NAV2: variants seen among roughly 807,000 people sequenced by gnomAD.
The protein encoded by NAV2 is neuron navigator 2.
A neutral mutation model predicts 223.2 loss-of-function variants in NAV2; 54 were observed. The ratio of observed to expected loss-of-function variants is 0.24; its 90% CI spans 0.19 to 0.30. The LOEUF (loss-of-function observed/expected upper bound fraction) is 0.30, where lower values mean the gene tolerates loss of function less well. Ranked by LOEUF, NAV2 falls within the 10% of genes least tolerant of loss-of-function variation. The probability of loss-of-function intolerance (pLI) is 1.00; values close to 1 mark genes in which losing one functional copy is unlikely to be tolerated. For synonymous variants in NAV2, 1,279 were observed against 1,239.3 expected (o/e 1.03, Z -0.67); for missense variants, 2,806 against 3,147.5 (o/e 0.89, Z 2.60).
At chr11:19,817,041 CA>C (rs1293212699) in intron 1 of NAV2, among the ~76,000 whole-genome samples, 1 of 152,128 alleles carries the variant, frequency 6.6e-6, no homozygotes, top group African/African-American at 2.4e-5. Context: ...CCTCATCTCC[CA>C]GGGGAAATCC....
intron 1 of NAV2, among the ~76,000 whole-genome samples, chr11:19,717,744 AT>A (rs1208916328): frequency 1.3e-5 from 2 of 152,184 alleles, no homozygotes; most frequent in African/African-American, 4.8e-5. Flanking sequence ...TAAGGACCTG[AT>A]TCAGATTCAT....
chr11:19,655,705 A>C (rs1358818129), intron 1 of NAV2, among the ~76,000 whole-genome samples: 2 of 134,726 alleles, frequency 1.5e-5, no homozygotes, highest in Admixed American at 1.8e-4. Context: ...GAACACATGG[A>C]TACAGGAAGG....
chr11:19,926,592 ACT>A, intron 6 of NAV2, among the ~76,000 whole-genome samples: 1 of 151,800 alleles, frequency 6.6e-6, no homozygotes, highest in African/African-American at 2.4e-5. Context: ...GACCAGGATG[ACT>A]CTGAAAACAG....
intron 1 of NAV2, among the ~76,000 whole-genome samples, chr11:19,624,242 C>T (rs1014086100): frequency 2.6e-5 from 4 of 152,174 alleles, no homozygotes; most frequent in Non-Finnish European, 5.9e-5. Flanking sequence ...GCAGTCTGTC[C>T]GTTCTCAGAT....
Position 20,103,343 on chromosome 11 carries a change from A to G in NAV2, c.6506A>G (p.Asn2169Ser). The G allele has an allele frequency of 2.5e-6, 4 of 1,614,152 alleles. No individual in the cohort carries two copies. Among genetic ancestry groups the G allele is most frequent in the Non-Finnish European group, 3.4e-6 (4 of 1,180,000 alleles). The change falls in exon 33 of 38, where the codon AAC (asparagine) becomes AGC (serine). Residue 2169 changes from asparagine (N) to serine (S), a missense_variant. By Grantham distance (46) the Asn-to-Ser change is conservative. Coordinates refer to ENST00000349880, the MANE Select transcript of NAV2 (RefSeq NM_145117.5). ...ATGCCCCTCGTCATCATCCTGGACA[A>G]CCTACACCACGTGAGCTCTCTGGGA... ...VDMPLVIILD[N>S]LHHVSSLGEI... is the part of the protein sequence containing the mutation.
chr11:19,424,559 T>A (rs1463707537), intron 1 of NAV2, among the ~76,000 whole-genome samples: 1 of 152,182 alleles, frequency 6.6e-6, no homozygotes, highest in African/African-American at 2.4e-5. Context: ...TTTGTTTGTT[T>A]GTTTGTTTCG....
At chr11:19,760,966 GTTC>G (rs2054690096) in intron 1 of NAV2, among the ~76,000 whole-genome samples, 1 of 152,168 alleles carries the variant, frequency 6.6e-6, no homozygotes, top group African/African-American at 2.4e-5. Flanking sequence ...AGTGCTGGTG[GTTC>G]TTCTGTTTCG....
chr11:19,880,780 A>C (rs879791074), intron 5 of NAV2, among the ~76,000 whole-genome samples: 1 of 152,158 alleles, frequency 6.6e-6, no homozygotes, highest in South Asian at 2.1e-4. Flanking sequence ...GCCAATTGCC[A>C]CTGTAGTTAC....
chr11:19,456,664 T>A (rs1451444930), intron 1 of NAV2, among the ~76,000 whole-genome samples: 1 of 152,214 alleles, frequency 6.6e-6, no homozygotes, highest in East Asian at 1.9e-4. Context: ...AGCTTAACTT[T>A]TTGGAGGCTT....
chr11:19,610,914 T>A (rs1243776410), intron 1 of NAV2, among the ~76,000 whole-genome samples: 4 of 151,704 alleles, frequency 2.6e-5, no homozygotes, highest in African/African-American at 9.7e-5. Context: ...GCTTAGCACC[T>A]CCTCGTCTTT....
chr11:20,101,909 C>G (rs899371066), intron 32 of NAV2, among the ~76,000 whole-genome samples: 2 of 152,134 alleles, frequency 1.3e-5, no homozygotes, highest in African/African-American at 4.8e-5. Flanking sequence ...TGCAAAGGGG[C>G]CAGAGAATCA....
chr11:19,385,929 T>C (rs933149907), intron 1 of NAV2, among the ~76,000 whole-genome samples: 1 of 151,820 alleles, frequency 6.6e-6, no homozygotes, highest in Admixed American at 6.6e-5. Context: ...GCCTGGCTAA[T>C]TTTTTTGTAT....
At chr11:19,894,093 TA>T (rs931992543) in intron 6 of NAV2, among the ~76,000 whole-genome samples, 4 of 152,356 alleles carry the variant, frequency 2.6e-5, no homozygotes, top group Admixed American at 2.0e-4. Context: ...CATTGATGTG[TA>T]AAAGCTAAAC....
intron 1 of NAV2, among the ~76,000 whole-genome samples, chr11:19,439,114 C>T (rs2133677825): frequency 6.6e-6 from 1 of 152,240 alleles, no homozygotes; most frequent in Middle Eastern, 3.4e-3. Context: ...TTATCATAAA[C>T]TCAGGTGTGG....
chr11:19,742,860 C>T (rs1203740677), intron 1 of NAV2, among the ~76,000 whole-genome samples: 1 of 152,240 alleles, frequency 6.6e-6, no homozygotes, highest in Non-Finnish European at 1.5e-5. Flanking sequence ...ACTTTGGTGG[C>T]TGTCCTGGCA....
intron 1 of NAV2, among the ~76,000 whole-genome samples, chr11:19,758,926 C>G (rs542037667): frequency 1.8e-4 from 28 of 152,014 alleles, no homozygotes; most frequent in Non-Finnish European, 2.2e-4. Context: ...ATTAATTATC[C>G]CCCCTGAGGA....
intron 1 of NAV2, among the ~76,000 whole-genome samples, chr11:19,764,310 AT>A (rs1252046719): frequency 1.3e-5 from 2 of 152,224 alleles, no homozygotes; most frequent in Admixed American, 6.5e-5. Context: ...ACATGTGTTT[AT>A]TTAATTGTAC....
At position 19,713,949 on chromosome 11, in the gene NAV2, G is replaced by A. The variant is rs1419783301; in HGVS notation, c.254G>A (p.Gly85Glu). Residue 85 changes from glycine (G) to glutamate (E), a missense_variant, in exon 1 of 38, where the codon GGG (glycine) becomes GAG (glutamate). This residue lies in a region of NAV2 where 1,167 missense variants were observed against 1,180.5 expected (regional missense o/e 0.99). Coordinates refer to ENST00000349880, the MANE Select transcript of NAV2 (RefSeq NM_145117.5). This position sits in a 1 kb window ranked among gnomAD's most constrained non-coding sequence, Gnocchi z 7.2. ...PLRKSGSVEN[G>E]FDTQIYTDWA... Reference sequence around the variant, plus strand: ...CGGAAGAGCGGCTCGGTGGAAAACGGGTTCGATACCCAGGTGAGAGATGCC... The same window carrying A: ...CGGAAGAGCGGCTCGGTGGAAAACGAGTTCGATACCCAGGTGAGAGATGCC... The A allele has an allele frequency of 6.2e-7, 1 of 1,613,272 alleles. No homozygotes were observed. Among genetic ancestry groups the A allele is most frequent in the South Asian group, 1.1e-5 (1 of 91,072 alleles).
intron 1 of NAV2, among the ~76,000 whole-genome samples, chr11:19,617,375 C>T (rs2046829864): frequency 6.6e-6 from 1 of 152,104 alleles, no homozygotes; most frequent in Admixed American, 6.5e-5. Context: ...TCCTTCCCAA[C>T]AGGTTTATAA....
Sources: gnomAD v4.1 joint callset for allele counts (sites outside exome capture counted in the v4.1 genomes callset) on GRCh38, gnomAD v4.1.1 for gene constraint, gnomAD v4.1.1 regional missense constraint, Gnocchi (gnomAD v3.1) non-coding constraint, MANE v1.5 for transcripts, NCBI Gene and HGNC (gene_info 2026-07-23, HGNC 2026-07-21) for gene names.